Variants in TBP observed in about 807,000 individuals in gnomAD.
The protein encoded by TBP is TATA-box-binding protein.
A neutral mutation model predicts 46.2 loss-of-function variants in TBP; 12 were observed. The ratio of observed to expected loss-of-function variants is 0.26; its 90% CI spans 0.17 to 0.42. The LOEUF (loss-of-function observed/expected upper bound fraction) is 0.42, where lower values mean the gene tolerates loss of function less well. TBP is among the 10% of genes least tolerant of loss of function. The probability of loss-of-function intolerance (pLI) is 1.00; values close to 1 mark genes in which losing one functional copy is unlikely to be tolerated. For missense variants in TBP, 229 were observed against 403.1 expected, an observed-to-expected ratio of 0.57 and a Z score of 3.70; for synonymous variants, 157 against 148.3, an observed-to-expected ratio of 1.06 and a Z score of -0.42.
At chr6:170,566,714 C>G (rs764977624) in intron 4 of TBP, among the ~76,000 whole-genome samples, 1 of 152,198 alleles carries the variant, frequency 6.6e-6, no homozygotes, top group Non-Finnish European at 1.5e-5. Flanking sequence ...TGATTATTTT[C>G]TGCTCCTTAT....
chr6:170,566,858 G>A (rs1425777302), intron 4 of TBP, 60 bp from the exon 5 acceptor site: 17 of 1,495,688 alleles, frequency 1.1e-5, no homozygotes, highest in African/African-American at 6.9e-5. Context: ...TGGGTGGTTC[G>A]CCTAACAACA....
intron 1 of TBP, among the ~76,000 whole-genome samples, chr6:170,555,481 A>G (rs1779003474): frequency 6.6e-6 from 1 of 152,196 alleles, no homozygotes; most frequent in African/African-American, 2.4e-5. Context: ...GTGACCTTCT[A>G]TACAGTCATA....
At chr6:170,555,241 T>C (rs1778994914) in intron 1 of TBP, among the ~76,000 whole-genome samples, 1 of 152,230 alleles carries the variant, frequency 6.6e-6, no homozygotes, top group Admixed American at 6.5e-5. Context: ...CTAATCATAC[T>C]TATAATGGCT....
intron 3 of TBP, 96 bp from the exon 4 acceptor site, chr6:170,564,449 G>A (rs1305527572): frequency 1.2e-6 from 1 of 807,792 alleles, no homozygotes; most frequent in Non-Finnish European, 1.9e-6. Flanking sequence ...GTAAAGCCTG[G>A]TTGAAATAAT....
At position 170,556,991 on chromosome 6, in the gene TBP, C is replaced by T. The variant is rs373596362; in HGVS notation, c.-39C>T. The T allele has an allele frequency of 1.6e-5, 25 of 1,608,656 alleles. No individual in the cohort carries two copies. The highest frequency in any genetic ancestry group is 5.5e-5 in the South Asian group (5 of 90,832). Reference sequence around the variant, plus strand: ...AATTGAATAGTGAGACGAGTTCCAGCGCAAGGGTTTCTGGTTTGCCAAGAA... The same window carrying T: ...AATTGAATAGTGAGACGAGTTCCAGTGCAAGGGTTTCTGGTTTGCCAAGAA... On this transcript the variant is annotated 5_prime_UTR_variant, in exon 2 of 8. Transcript: ENST00000392092.
chr6:170,554,963 G>A (rs1018836271), intron 1 of TBP, among the ~76,000 whole-genome samples: 1 of 152,148 alleles, frequency 6.6e-6, no homozygotes. Flanking sequence ...CTCGGTTCAG[G>A]CCATCATGGT....
At chr6:170,568,901 C>T (rs1351260967) in intron 5 of TBP, among the ~76,000 whole-genome samples, 3 of 142,700 alleles carry the variant, frequency 2.1e-5, no homozygotes, top group Non-Finnish European at 4.5e-5. Flanking sequence ...CAACCTCCAC[C>T]TCCCAGGTTC....
At chr6:170,567,071 TG>T (rs1370541125) in intron 5 of TBP, 62 bp downstream of exon 5, 19 of 1,394,502 alleles carry the variant, frequency 1.4e-5, no homozygotes, top group Non-Finnish European at 1.9e-5. Context: ...GATATCTCAT[TG>T]TTTTTAGGTT....
At chr6:170,569,192 A>C (rs1056975689) in intron 5 of TBP, among the ~76,000 whole-genome samples, 4 of 152,254 alleles carry the variant, frequency 2.6e-5, no homozygotes, top group African/African-American at 9.6e-5. Flanking sequence ...ATGTCTATTC[A>C]TGATGAGTCT....
intron 2 of TBP, among the ~76,000 whole-genome samples, chr6:170,561,138 G>A (rs765193143): frequency 6.6e-6 from 1 of 152,172 alleles, no homozygotes; most frequent in Non-Finnish European, 1.5e-5. Flanking sequence ...AAAAGATTAT[G>A]ATTTGCTGCA....
intron 5 of TBP, among the ~76,000 whole-genome samples, chr6:170,568,462 G>A (rs1454545032): frequency 6.6e-6 from 1 of 151,836 alleles, no homozygotes; most frequent in Non-Finnish European, 1.5e-5. Context: ...TTTTGTTGTT[G>A]TTGTTGTTTT....
intron 2 of TBP, among the ~76,000 whole-genome samples, chr6:170,558,757 A>G (rs1269922766): frequency 6.9e-6 from 1 of 144,736 alleles, no homozygotes; most frequent in Non-Finnish European, 1.5e-5. Context: ...GCAGTGGTGC[A>G]GTCTTGGCTC....
intron 6 of TBP, among the ~76,000 whole-genome samples, chr6:170,570,380 C>T (rs147028433): frequency 6.6e-6 from 1 of 152,192 alleles, no homozygotes; most frequent in Admixed American, 6.5e-5. Context: ...TTTCCCTTTT[C>T]ACCTAGGAAG....
At chr6:170,555,139 G>A (rs1778992263) in intron 1 of TBP, among the ~76,000 whole-genome samples, 1 of 152,126 alleles carries the variant, frequency 6.6e-6, no homozygotes. Context: ...TCTTTTCTGA[G>A]GATAAATTAG....
intron 2 of TBP, among the ~76,000 whole-genome samples, chr6:170,558,002 G>C (rs1241166641): frequency 2.0e-5 from 3 of 152,070 alleles, no homozygotes; most frequent in African/African-American, 2.4e-5. Flanking sequence ...TTTTGTGTAT[G>C]TCTGACTTCT....
rs752964895 is a variant in TBP, at chr6:170,568,810, C to CTTTTTTTTTTTTT, written c.678-798_678-797insTTTTTTTTTTTTT. On this transcript the variant is annotated intron_variant, in intron 5 of 7. Coordinates refer to ENST00000392092, the MANE Select transcript of TBP (RefSeq NM_003194.5). ...TTTTTTTCTCTTCTTTCTTTCTTTC[C>CTTTTTTTTTTTTT]TTTTCTTTTTTTTTTTTTTTTTTTT... Among the ~76,000 whole-genome samples, 2 of 26,150 alleles carry CTTTTTTTTTTTTT rather than the reference C, an allele frequency of 7.6e-5. 1 individual carries two copies. The highest frequency in any genetic ancestry group is 6.5e-4 in the African/African-American group (2 of 3,058). 17.2% of individuals were successfully genotyped at this position (26,150 alleles called of 152,430 possible). A position where few individuals can be genotyped will look rare whatever the true frequency, so the allele number is the denominator to read the frequency against.
chr6:170,564,581 TG>T lies in TBP; in HGVS notation c.535del (p.Asp179ThrfsTer2). The T allele has an allele frequency of 1.2e-6, 2 of 1,611,454 alleles. No individual in the cohort carries two copies. Among genetic ancestry groups the T allele is most frequent in the Non-Finnish European group, 1.7e-6 (2 of 1,178,606 alleles). Reference protein sequence around the residue: ...VSTVNLGCKLDLKTIALRARN... With the variant: ...VSTVNLGCKLXLKTIALRARN... ...CCACAGTGAATCTTGGTTGTAAACTTGACCTAAAGACCATTGCACTTCGTGC... is the reference window on the plus strand; with the variant it reads ...CCACAGTGAATCTTGGTTGTAAACTTACCTAAAGACCATTGCACTTCGTGC... On this transcript the variant is annotated frameshift_variant, in exon 4 of 8. Transcript: ENST00000392092. LOFTEE classifies it high-confidence loss of function.
chr6:170,566,893 T>C (rs1779261634), intron 4 of TBP, 25 bp from the exon 5 acceptor site: 1 of 1,607,616 alleles, frequency 6.2e-7, no homozygotes, highest in Non-Finnish European at 8.5e-7. Context: ...ATGACCTCAC[T>C]AATGATTCTC....
intron 2 of TBP, among the ~76,000 whole-genome samples, chr6:170,561,153 C>T (rs540868558): frequency 5.3e-5 from 8 of 152,312 alleles, no homozygotes; most frequent in Admixed American, 1.3e-4. Flanking sequence ...GCTGCAGGCT[C>T]ACATGATTGT....
Sources: gnomAD v4.1 joint callset for allele counts (sites outside exome capture counted in the v4.1 genomes callset) on GRCh38, gnomAD v4.1.1 for gene constraint, MANE v1.5 for transcripts, NCBI Gene and HGNC (gene_info 2026-07-23, HGNC 2026-07-21) for gene names.